PPEF1: variants seen among roughly 807,000 people sequenced by gnomAD.
PPEF1 encodes the protein serine/threonine-protein phosphatase with EF-hands 1.
PPEF1 carries 12 observed loss-of-function variants against 53.3 expected under a neutral mutation model. The ratio of observed to expected loss-of-function variants is 0.23; its 90% CI spans 0.14 to 0.36. The LOEUF (loss-of-function observed/expected upper bound fraction) is 0.36. Among genes scored for constraint, PPEF1 ranks in the 10% least tolerant of loss-of-function variants. The pLI is 1.00. For synonymous variants in PPEF1, 165 were observed against 176.7 expected (o/e 0.93, Z 0.52); for missense variants, 334 against 490.4 (o/e 0.68, Z 3.01).
chrX:18,759,192 A>C (rs1449789770), intron 5 of PPEF1, among the ~76,000 whole-genome samples: 2 of 111,220 alleles, frequency 1.8e-5, no homozygotes, highest in African/African-American at 6.5e-5. Flanking sequence ...TTCACGTGGC[A>C]CCATTGGTAG....
At chrX:18,826,982 T>G (rs974034339) in intron 15 of PPEF1, among the ~76,000 whole-genome samples, 4 of 111,438 alleles carry the variant, frequency 3.6e-5, no homozygotes, top group African/African-American at 1.3e-4. Flanking sequence ...CCTTTCTATT[T>G]TAGGTCTTGT....
At chrX:18,713,420 C>T (rs865823375) in intron 1 of PPEF1, among the ~76,000 whole-genome samples, 122 of 77,316 alleles carry the variant, frequency 1.6e-3, no homozygotes, top group Middle Eastern at 9.6e-3. Flanking sequence ...CCTTAAAATT[C>T]TTTTTTTTTT....
chrX:18,724,608 T>C (rs2044665285), intron 1 of PPEF1, among the ~76,000 whole-genome samples: 1 of 111,893 alleles, frequency 8.9e-6, no homozygotes, highest in South Asian at 3.7e-4. Flanking sequence ...TGCTCCTCAA[T>C]AGCATGCATT....
intron 10 of PPEF1, among the ~76,000 whole-genome samples, chrX:18,802,644 T>G (rs752632378): frequency 8.9e-6 from 1 of 112,231 alleles, no homozygotes; most frequent in Admixed American, 9.5e-5. Context: ...CCTCAGGCTA[T>G]GTGCTCAACA....
intron 13 of PPEF1, among the ~76,000 whole-genome samples, chrX:18,820,319 G>A (rs1189557991): frequency 2.7e-5 from 3 of 110,674 alleles, no homozygotes; most frequent in Non-Finnish European, 5.7e-5. Context: ...AATCTACCAC[G>A]ATAGAGGGAG....
chrX:18,821,657 C>T (rs998103262), intron 13 of PPEF1, among the ~76,000 whole-genome samples: 3 of 110,339 alleles, frequency 2.7e-5, no homozygotes, highest in African/African-American at 9.9e-5. Context: ...GGTGATCCAC[C>T]TGCCTTGGCC....
At chrX:18,794,775 G>C (rs2046396652) in intron 10 of PPEF1, among the ~76,000 whole-genome samples, 2 of 111,781 alleles carry the variant, frequency 1.8e-5, no homozygotes, top group Non-Finnish European at 3.8e-5. Flanking sequence ...GCTCCTTCTG[G>C]GGCAAAACCA....
At chrX:18,678,290 C>T (rs1197232681), upstream of PPEF1, among the ~76,000 whole-genome samples, 2 of 109,635 alleles carry the variant, frequency 1.8e-5, no homozygotes, top group Admixed American at 2.0e-4. Context: ...AAAACTTAGC[C>T]AGGCATGGTG....
intron 1 of PPEF1, among the ~76,000 whole-genome samples, chrX:18,677,062 G>A (rs1229963581): frequency 1.6e-4 from 16 of 100,017 alleles, no homozygotes; most frequent in Non-Finnish European, 3.0e-4. Flanking sequence ...TTTTTAAGAC[G>A]GAGTCTCGCT....
intron 14 of PPEF1, among the ~76,000 whole-genome samples, chrX:18,824,634 G>A (rs1390822684): frequency 9.0e-6 from 1 of 110,919 alleles, no homozygotes; most frequent in Non-Finnish European, 1.9e-5. Context: ...TGTAAGTGCT[G>A]TCTAGCAGAA....
In PPEF1 at chrX:18,809,669, C is replaced by G. The variant is rs767448632; in HGVS notation, c.1394+3124C>G. The stretch of plus-strand genomic sequence containing the variant: ...GCAGTGGGCCAAGACTGCACCACTG[C>G]ACTCCAGGTTGGGCAATAAAGTGAG... On this transcript the variant is annotated intron_variant, in intron 12 of 15. Coordinates refer to ENST00000470157, the MANE Select transcript of PPEF1 (RefSeq NM_001377996.1). Among the ~76,000 whole-genome samples, 9 of 107,180 alleles carry G rather than the reference C, an allele frequency of 8.4e-5. No homozygotes were observed. In the South Asian group the frequency reaches 3.7e-3, roughly 45 times the overall value. 93.1% of individuals were successfully genotyped at this position (107,180 alleles called of 115,157 possible). A position where few individuals can be genotyped will look rare whatever the true frequency, so the allele number is the denominator to read the frequency against.
At chrX:18,805,018 G>A (rs769177144) in intron 11 of PPEF1, among the ~76,000 whole-genome samples, 3 of 108,141 alleles carry the variant, frequency 2.8e-5, no homozygotes, top group Non-Finnish European at 5.8e-5. Flanking sequence ...ACAGAGTCTC[G>A]CTGTGTTGTC....
At chrX:18,695,624 T>C (rs1929673048) in intron 4 of PPEF1, among the ~76,000 whole-genome samples, 1 of 112,414 alleles carries the variant, frequency 8.9e-6, no homozygotes. Flanking sequence ...GACCAGAACC[T>C]TCTGTGAAGC....
intron 1 of PPEF1, among the ~76,000 whole-genome samples, chrX:18,714,269 G>GTTTTTTTTTTTTTTTTTTTTTTTTTTTTT (rs752286222): frequency 1.6e-5 from 1 of 61,950 alleles, no homozygotes; most frequent in African/African-American, 4.8e-5. Flanking sequence ...TTTGTTTTTC[G>GTTTTTTTTTTTTTTTTTTTTTTTTTTTTT]TTTTTTTGTT....
At chrX:18,730,033 A>G in intron 1 of PPEF1, 148 bp from the exon 2 acceptor site, 1 of 538,781 alleles carries the variant, frequency 1.9e-6, no homozygotes, top group Non-Finnish European at 2.8e-6. Context: ...AAAAAACATA[A>G]AAGTCAATCT....
chrX:18,795,605 C>T (rs2046416806), intron 10 of PPEF1, among the ~76,000 whole-genome samples: 2 of 111,764 alleles, frequency 1.8e-5, no homozygotes, highest in Non-Finnish European at 1.9e-5. Flanking sequence ...AGTACTCTTG[C>T]TCATTTGTCT....
intron 1 of PPEF1, among the ~76,000 whole-genome samples, chrX:18,708,527 G>A (rs1225303859): frequency 6.3e-5 from 7 of 111,872 alleles, no homozygotes; most frequent in Non-Finnish European, 1.1e-4. Flanking sequence ...AAATAAGCTG[G>A]GACAATTAAT....
chrX:18,732,699 A>G (rs984367111), intron 2 of PPEF1, among the ~76,000 whole-genome samples: 5 of 111,529 alleles, frequency 4.5e-5, no homozygotes, highest in Admixed American at 9.6e-5. Flanking sequence ...CCAGATTGAT[A>G]AAGTGTTTAC....
At chrX:18,822,694 G>A (rs1416386365) in intron 13 of PPEF1, among the ~76,000 whole-genome samples, 1 of 110,498 alleles carries the variant, frequency 9.0e-6, no homozygotes, top group African/African-American at 3.3e-5. Context: ...ATTTTTAGTA[G>A]AGACGGGGGA....
Sources: allele counts gnomAD v4.1 joint callset (sites outside exome capture counted in the v4.1 genomes callset), GRCh38; gene constraint gnomAD v4.1.1; transcripts MANE v1.5; gene names NCBI Gene and HGNC (gene_info 2026-07-23, HGNC 2026-07-21).